The following SPPL3 variants were observed in gnomAD, a reference collection of about 807,000 sequenced individuals.
SPPL3 encodes the protein signal peptide peptidase like 3.
In SPPL3, 5 loss-of-function variants were observed where a neutral mutation model predicts 42.4. The observed-to-expected ratio is 0.12, with a 90% CI of 0.06 to 0.25. The LOEUF (loss-of-function observed/expected upper bound fraction) is 0.25, where lower values mean the gene tolerates loss of function less well. Among genes scored for constraint, SPPL3 ranks in the 10% least tolerant of loss-of-function variants. The pLI, the probability that SPPL3 is intolerant of heterozygous loss-of-function variation, is 1.00. For synonymous variants in SPPL3, 195 were observed against 181.8 expected, an observed-to-expected ratio of 1.07 and a Z score of -0.58; for missense variants, 235 against 489.0, an observed-to-expected ratio of 0.48 and a Z score of 4.90.
intron 1 of SPPL3, among the ~76,000 whole-genome samples, chr12:120,814,113 A>C (rs1870785725): frequency 6.6e-6 from 1 of 152,222 alleles, no homozygotes; most frequent in Non-Finnish European, 1.5e-5. Context: ...AGACTTTTTA[A>C]AATTATGAAG....
At chr12:120,876,016 A>AAC (rs1566067012) in intron 1 of SPPL3, among the ~76,000 whole-genome samples, 1 of 144,022 alleles carries the variant, frequency 6.9e-6, no homozygotes, top group Non-Finnish European at 1.5e-5. Context: ...AAACAAACAG[A>AAC]CCCCCCCCAC....
intron 1 of SPPL3, among the ~76,000 whole-genome samples, chr12:120,876,382 G>A (rs1442080254): frequency 6.6e-6 from 1 of 151,894 alleles, no homozygotes; most frequent in Non-Finnish European, 1.5e-5. Context: ...GGGAGGCTGA[G>A]GCGGGCAGAT....
intron 2 of SPPL3, among the ~76,000 whole-genome samples, chr12:120,807,943 T>A (rs1345128484): frequency 8.7e-6 from 1 of 114,738 alleles, no homozygotes; most frequent in Non-Finnish European, 2.1e-5. Context: ...AGAAATGCCT[T>A]ATTAAATTAT....
chr12:120,779,330 CTGG>C, intron 6 of SPPL3, among the ~76,000 whole-genome samples: 1 of 152,324 alleles, frequency 6.6e-6, no homozygotes, highest in African/African-American at 2.4e-5. Flanking sequence ...GAAACACTGC[CTGG>C]TGGAGTGCAG....
At chr12:120,829,082 C>A (rs1320650285) in intron 1 of SPPL3, among the ~76,000 whole-genome samples, 1 of 152,110 alleles carries the variant, frequency 6.6e-6, no homozygotes, top group African/African-American at 2.4e-5. Context: ...GTCTTTTCAA[C>A]AAACAGTGTT....
chr12:120,826,280 T>C (rs1272713818), intron 1 of SPPL3, among the ~76,000 whole-genome samples: 1 of 116,024 alleles, frequency 8.6e-6, no homozygotes, highest in African/African-American at 3.3e-5. Context: ...GCAACAAGAT[T>C]GAAACTGTCT....
At chr12:120,826,542 C>T (rs1871237167) in intron 1 of SPPL3, among the ~76,000 whole-genome samples, 1 of 152,136 alleles carries the variant, frequency 6.6e-6, no homozygotes, top group African/African-American at 2.4e-5. Flanking sequence ...AACAGCACCA[C>T]CAAACAGTGC....
intron 1 of SPPL3, among the ~76,000 whole-genome samples, chr12:120,880,291 C>T (rs1873238106): frequency 6.6e-6 from 1 of 151,930 alleles, no homozygotes; most frequent in Non-Finnish European, 1.5e-5. Context: ...GGATCAAAAA[C>T]ATACAAATAA....
At chr12:120,854,538 A>G (rs1219258150) in intron 1 of SPPL3, among the ~76,000 whole-genome samples, 1 of 152,238 alleles carries the variant, frequency 6.6e-6, no homozygotes, top group African/African-American at 2.4e-5. Flanking sequence ...TCACTAAAAC[A>G]ATAATTGATG....
intron 2 of SPPL3, among the ~76,000 whole-genome samples, chr12:120,808,103 G>A (rs200840000): frequency 3.1e-4 from 29 of 93,614 alleles, no homozygotes; most frequent in Middle Eastern, 5.9e-3. Context: ...TTTTTTTTTT[G>A]TTTTTTGTTT....
At position 120,764,623 on chromosome 12, in the gene SPPL3, T is replaced by G; in HGVS notation, c.*376A>C. ...AGAAACTTCGGTTTGCTAATTTTTTTCATCCTTTTAGTGTTCAAAAGTTCT... is the reference window on the plus strand; with the variant it reads ...AGAAACTTCGGTTTGCTAATTTTTTGCATCCTTTTAGTGTTCAAAAGTTCT... On this transcript the variant is annotated 3_prime_UTR_variant, in exon 11 of 11. Coordinates refer to ENST00000353487, the MANE Select transcript of SPPL3 (RefSeq NM_139015.5). The G allele has an allele frequency of 2.7e-6, 1 of 373,342 alleles. No homozygotes were observed. The highest frequency in any genetic ancestry group is 4.7e-6 in the Non-Finnish European group (1 of 210,682). 23.1% of individuals were successfully genotyped at this position (373,342 alleles called of 1,614,324 possible).
chr12:120,794,272 ATTT>A (rs76687139), intron 2 of SPPL3, among the ~76,000 whole-genome samples: 1 of 148,744 alleles, frequency 6.7e-6, no homozygotes, highest in East Asian at 2.0e-4. Context: ...ACTTTTAACT[ATTT>A]TTTTTTTAAT....
intron 1 of SPPL3, among the ~76,000 whole-genome samples, chr12:120,841,123 C>T (rs1284336725): frequency 1.3e-5 from 2 of 152,002 alleles, no homozygotes; most frequent in African/African-American, 2.4e-5. Flanking sequence ...GTCAGCAGTT[C>T]GAGACCAGCC....
intron 2 of SPPL3, among the ~76,000 whole-genome samples, chr12:120,797,198 A>G (rs1870127797): frequency 6.6e-6 from 1 of 152,094 alleles, no homozygotes; most frequent in Admixed American, 6.5e-5. Flanking sequence ...ACAAACAAAA[A>G]AATTGGGATG....
At chr12:120,769,746 T>G (rs1869046431) in intron 6 of SPPL3, 1 of 152,286 alleles carries the variant, frequency 6.6e-6, no homozygotes, top group African/African-American at 2.4e-5. Context: ...AGATGGGGTT[T>G]CACCATGTTG....
intron 2 of SPPL3, among the ~76,000 whole-genome samples, chr12:120,795,180 C>A (rs2136989135): frequency 6.6e-6 from 1 of 152,306 alleles, no homozygotes; most frequent in South Asian, 2.1e-4. Context: ...TGGGCTTGAG[C>A]AATCAATCCT....
intron 1 of SPPL3, among the ~76,000 whole-genome samples, chr12:120,898,289 A>T (rs1413003146): frequency 7.2e-6 from 1 of 138,702 alleles, no homozygotes; most frequent in Non-Finnish European, 1.5e-5. Context: ...GGACAGAGCA[A>T]GACTCTGTTT....
At chr12:120,860,116 T>G (rs528853889) in intron 1 of SPPL3, among the ~76,000 whole-genome samples, 7 of 152,124 alleles carry the variant, frequency 4.6e-5, no homozygotes, top group African/African-American at 1.7e-4. Context: ...GGTGGGAGGA[T>G]CACTTGAGCC....
intron 1 of SPPL3, among the ~76,000 whole-genome samples, chr12:120,898,077 C>T (rs765717994): frequency 2.6e-5 from 4 of 151,828 alleles, no homozygotes; most frequent in African/African-American, 9.7e-5. Context: ...TTTGGGAGGC[C>T]GAGGTGGGTG....
Sources: allele counts gnomAD v4.1 joint callset (sites outside exome capture counted in the v4.1 genomes callset), GRCh38; gene constraint gnomAD v4.1.1; transcripts MANE v1.5; gene names NCBI Gene and HGNC (gene_info 2026-07-23, HGNC 2026-07-21).